Variants in ORAI2 observed in about 807,000 individuals in gnomAD.
The protein encoded by ORAI2 is protein orai-2.
A neutral mutation model predicts 16.2 loss-of-function variants in ORAI2; 10 were observed. The observed-to-expected ratio is 0.62, with a 90% CI of 0.38 to 1.04. The LOEUF (loss-of-function observed/expected upper bound fraction) is 1.04, where lower values mean the gene tolerates loss of function less well. ORAI2 is among the 50% of genes least tolerant of loss of function. The pLI, the probability that ORAI2 is intolerant of heterozygous loss-of-function variation, is 0.01. For missense variants in ORAI2, 238 were observed against 355.5 expected, an observed-to-expected ratio of 0.67 and a Z score of 2.66; for synonymous variants, 150 against 157.5, an observed-to-expected ratio of 0.95 and a Z score of 0.35.
intron 3 of ORAI2, 91 bp downstream of exon 3, chr7:102,439,272 C>T: frequency 9.2e-7 from 1 of 1,081,458 alleles, no homozygotes; most frequent in South Asian, 1.4e-5. Flanking sequence ...AGCCTTCCCT[C>T]CAGTCTCTGG....
chr7:102,435,911 A>G (rs1455772375), intron 1 of ORAI2, among the ~76,000 whole-genome samples: 1 of 152,120 alleles, frequency 6.6e-6, no homozygotes, highest in East Asian at 1.9e-4. Context: ...GACAGGTGTG[A>G]GCTACTGCTC....
chr7:102,436,385 G>T (rs748983733), intron 2 of ORAI2, 52 bp downstream of exon 2: 76 of 977,522 alleles, frequency 7.8e-5, no homozygotes, highest in Admixed American at 1.2e-4. Flanking sequence ...CAGAGGTCTT[G>T]TTGGCCAGGG....
intron 2 of ORAI2, among the ~76,000 whole-genome samples, chr7:102,437,858 C>A (rs1421977423): frequency 6.6e-6 from 1 of 152,046 alleles, no homozygotes; most frequent in Non-Finnish European, 1.5e-5. Flanking sequence ...CAAGACCAGC[C>A]TGGGCAATAT....
chr7:102,436,319 CG>C lies in ORAI2; in HGVS notation c.-27del. ...GGGATGGAGAGCCTGAGTTGGCATT[CG>C]TATAAATGACCTGGTAATTGGCATC... On this transcript the variant is annotated 5_prime_UTR_variant, in exon 2 of 4. An upstream open reading frame in the 5' UTR loses its in-frame stop. Transcript: ENST00000495936. 1 of 985,466 alleles carries C rather than the reference CG, an allele frequency of 1.0e-6. No individual in the cohort carries two copies. Among genetic ancestry groups the C allele is most frequent in the Non-Finnish European group, 1.2e-6 (1 of 829,970 alleles). The allele number at this position is 985,466 out of a possible 1,614,324, so 61.0% of individuals were successfully genotyped here.
chr7:102,436,383 T>C, intron 2 of ORAI2, 50 bp downstream of exon 2: 1 of 980,324 alleles, frequency 1.0e-6, no homozygotes, highest in Non-Finnish European at 1.2e-6. Flanking sequence ...CCCAGAGGTC[T>C]TGTTGGCCAG....
rs1164055139 is a variant in ORAI2 at position 102,446,803 on chromosome 7, G to C, written c.516G>C (p.Lys172Asn). 6.2e-7 allele frequency: 1 copy of C among 1,614,118 alleles called. No individual in the cohort carries two copies. Among genetic ancestry groups the C allele is most frequent in the South Asian group, 1.1e-5 (1 of 91,090 alleles). The change falls in exon 4 of 4, where the codon AAG becomes AAC. Residue 172 changes from lysine (K) to asparagine (N), a missense_variant. Physicochemically the swap from Lys to Asn is moderately conservative, Grantham distance 94 (BLOSUM62 0). Coordinates refer to ENST00000495936, the MANE Select transcript of ORAI2 (RefSeq NM_001126340.3). ...LAEVVLLCWI[K>N]FLPVDARRQP... The stretch of plus-strand genomic sequence containing the variant: ...AGGTGGTGCTGCTCTGCTGGATCAA[G>C]TTCCTCCCCGTGGATGCCCGGCGCC...
chr7:102,438,839 G>T (rs1302848171), intron 2 of ORAI2, 105 bp from the exon 3 acceptor site: 17 of 1,004,630 alleles, frequency 1.7e-5, no homozygotes, highest in Non-Finnish European at 2.6e-5. Context: ...GGGCTCTGGC[G>T]TGGGCTGTAT....
In ORAI2 at chr7:102,452,068, G is replaced by C. The variant is rs1797536097; in HGVS notation, c.*5016G>C. 6.6e-6 allele frequency: 1 copy of C among 152,170 alleles called. No individual in the cohort carries two copies. Among genetic ancestry groups the C allele is most frequent in the Non-Finnish European group, 1.5e-5 (1 of 68,074 alleles). 9.4% of individuals were successfully genotyped at this position (152,170 alleles called of 1,614,324 possible). A position where few individuals can be genotyped will look rare whatever the true frequency, so the allele number is the denominator to read the frequency against. ...GGACATTCTCCAGCCCCAAGTCCCTGTGGGGCAGCAGGAACAGGTGGGTCC... is the reference window on the plus strand; with the variant it reads ...GGACATTCTCCAGCCCCAAGTCCCTCTGGGGCAGCAGGAACAGGTGGGTCC... On this transcript the variant is annotated 3_prime_UTR_variant, in exon 4 of 4. Coordinates refer to ENST00000495936, the MANE Select transcript of ORAI2 (RefSeq NM_001126340.3).
At position 102,452,614 on chromosome 7, in the gene ORAI2, G is replaced by GT. The variant is rs1235203559; in HGVS notation, c.*5570dup. On this transcript the variant is annotated 3_prime_UTR_variant, in exon 4 of 4. Coordinates refer to ENST00000495936, the MANE Select transcript of ORAI2 (RefSeq NM_001126340.3). ...GCGCACACTACCATGCCCAGCTAAT[G>GT]TTTTTTTTGTAGAGATGGGATCTTG... 14 of 151,334 alleles carry GT rather than the reference G, an allele frequency of 9.3e-5. No individual in the cohort carries two copies. The highest frequency in any genetic ancestry group is 4.2e-4 in the South Asian group (2 of 4,772). The allele number at this position is 151,334 out of a possible 1,614,324, so 9.4% of individuals were successfully genotyped here.
At position 102,454,363 on chromosome 7, in the gene ORAI2, C is replaced by A. The variant is rs1187569973; in HGVS notation, c.*7311C>A. 6.5e-6 allele frequency: 1 copy of A among 153,538 alleles called. No individual in the cohort carries two copies. Among genetic ancestry groups the A allele is most frequent in the African/African-American group, 2.4e-5 (1 of 41,472 alleles). The allele number at this position is 153,538 out of a possible 1,614,324, so 9.5% of individuals were successfully genotyped here. A position where few individuals can be genotyped will look rare whatever the true frequency, so the allele number is the denominator to read the frequency against. ...TGAGCCAAGATTGTGCCACTGCACTCCAGCCTGGGTAAAATGAGTGAGACC... is the reference window on the plus strand; with the variant it reads ...TGAGCCAAGATTGTGCCACTGCACTACAGCCTGGGTAAAATGAGTGAGACC... On this transcript the variant is annotated 3_prime_UTR_variant, in exon 4 of 4. Coordinates refer to ENST00000495936, the MANE Select transcript of ORAI2 (RefSeq NM_001126340.3).
At chr7:102,444,882 G>A (rs945022713) in intron 3 of ORAI2, among the ~76,000 whole-genome samples, 7 of 151,680 alleles carry the variant, frequency 4.6e-5, no homozygotes, top group Non-Finnish European at 8.8e-5. Flanking sequence ...GGCCAGGCTG[G>A]TCTTGAACTC....
rs1454027620 is a variant in ORAI2, at chr7:102,433,588, G to C, written c.-196G>C. 3 of 150,548 alleles carry C rather than the reference G, an allele frequency of 2.0e-5. No individual in the cohort carries two copies. The highest frequency in any genetic ancestry group is 4.4e-5 in the Non-Finnish European group (3 of 67,484). The allele number at this position is 150,548 out of a possible 1,614,324, so 9.3% of individuals were successfully genotyped here. On this transcript the variant is annotated 5_prime_UTR_variant, in exon 1 of 4. Transcript: ENST00000495936. The surrounding 1 kb of genome is among the most constrained non-coding windows in gnomAD (Gnocchi z 4.6). ...GGGGCCGCGCTCGGCGCCCCGGCCGGGCCACTGGGCCACAGGCCACGCGGC... is the reference window on the plus strand; with the variant it reads ...GGGGCCGCGCTCGGCGCCCCGGCCGCGCCACTGGGCCACAGGCCACGCGGC...
chr7:102,445,253 G>A (rs957572273), intron 3 of ORAI2, among the ~76,000 whole-genome samples: 2 of 112,664 alleles, frequency 1.8e-5, no homozygotes, highest in African/African-American at 8.3e-5. Context: ...GGGACTCTCC[G>A]CACTTTCAGT....
chr7:102,447,120 T>C lies in ORAI2; in HGVS notation c.*68T>C. 13 of 1,437,830 alleles carry C rather than the reference T, an allele frequency of 9.0e-6. No homozygotes were observed. Among genetic ancestry groups the C allele is most frequent in the Non-Finnish European group, 1.1e-5 (12 of 1,097,904 alleles). 89.1% of individuals were successfully genotyped at this position (1,437,830 alleles called of 1,614,324 possible). On this transcript the variant is annotated 3_prime_UTR_variant, in exon 4 of 4. Transcript: ENST00000495936. ...TCCGCAGAGGCGGGGATTTGTCAGA[T>C]GCAGACATTTTGCAAGGCTGCCGGG...
rs1433168343 is a variant in ORAI2, at chr7:102,451,467, C to T, written c.*4415C>T. 1.3e-5 allele frequency: 2 copies of T among 152,166 alleles called. No individual in the cohort carries two copies. The highest frequency in any genetic ancestry group is 1.3e-4 in the Admixed American group (2 of 15,266). 9.4% of individuals were successfully genotyped at this position (152,166 alleles called of 1,614,324 possible). ...CCACGTAAGCCTGAGTGGATCCTGA[C>T]TCAGCTGCAGCCCTTACCTGCCTCG... On this transcript the variant is annotated 3_prime_UTR_variant, in exon 4 of 4. Transcript: ENST00000495936.
At chr7:102,443,342 G>C (rs1165997359) in intron 3 of ORAI2, among the ~76,000 whole-genome samples, 1 of 147,806 alleles carries the variant, frequency 6.8e-6, no homozygotes, top group African/African-American at 2.5e-5. Context: ...GCAGTGGCGC[G>C]ATCTCGGCTC....
At position 102,449,065 on chromosome 7, in the gene ORAI2, C is replaced by T. The variant is rs1020852958; in HGVS notation, c.*2013C>T. On this transcript the variant is annotated 3_prime_UTR_variant, in exon 4 of 4. Coordinates refer to ENST00000495936, the MANE Select transcript of ORAI2 (RefSeq NM_001126340.3). ...ACATGCAGTTTTCCGTGCTGAGGGG[C>T]CCTAGGGGAGTCACACCAAGGGTCC... 1 of 152,054 alleles carries T rather than the reference C, an allele frequency of 6.6e-6. No individual in the cohort carries two copies. The highest frequency in any genetic ancestry group is 6.6e-5 in the Admixed American group (1 of 15,258). 9.4% of individuals were successfully genotyped at this position (152,054 alleles called of 1,614,324 possible). A position where few individuals can be genotyped will look rare whatever the true frequency, so the allele number is the denominator to read the frequency against.
chr7:102,442,779 C>G (rs1324674970), intron 3 of ORAI2, among the ~76,000 whole-genome samples: 1 of 151,978 alleles, frequency 6.6e-6, no homozygotes, highest in South Asian at 2.1e-4. Flanking sequence ...TCACTTGAAT[C>G]CGGAAAGGGG....
chr7:102,437,400 A>C (rs2133221832), intron 2 of ORAI2, among the ~76,000 whole-genome samples: 1 of 152,194 alleles, frequency 6.6e-6, no homozygotes, highest in South Asian at 2.1e-4. Flanking sequence ...AGATCACCTG[A>C]GCTCTGGAGT....
Sources: gnomAD v4.1 joint callset for allele counts (sites outside exome capture counted in the v4.1 genomes callset) on GRCh38, gnomAD v4.1.1 for gene constraint, Gnocchi (gnomAD v3.1) non-coding constraint, MANE v1.5 for transcripts, NCBI Gene and HGNC (gene_info 2026-07-23, HGNC 2026-07-21) for gene names.